Variants in TMEM207 observed in about 807,000 individuals in gnomAD.
TMEM207 encodes transmembrane protein 207.
TMEM207 carries 15 observed loss-of-function variants against 17.4 expected under a neutral mutation model. The observed-to-expected ratio is 0.86, with a 90% confidence interval of 0.58 to 1.33. The LOEUF (loss-of-function observed/expected upper bound fraction) is 1.33, where lower values mean the gene tolerates loss of function less well. TMEM207 is among the 40% of genes most tolerant of loss of function. TMEM207 has a pLI of 0.00. For missense variants in TMEM207, 205 were observed against 173.8 expected, an observed-to-expected ratio of 1.18 and a Z score of -1.01; for synonymous variants, 70 against 65.6, an observed-to-expected ratio of 1.07 and a Z score of -0.33.
chr3:190,440,205 A>C (rs767009536), intron 4 of TMEM207, 39 bp downstream of exon 4: 12 of 1,570,900 alleles, frequency 7.6e-6, no homozygotes, highest in Admixed American at 4.0e-5. Flanking sequence ...AAAACCACAA[A>C]GTATCAAAAA....
intron 1 of TMEM207, among the ~76,000 whole-genome samples, 184 bp from the exon 2 acceptor site, chr3:190,448,011 T>G (rs1346016): frequency 0.18 from 27,778 of 152,156 alleles, 2,953 homozygotes; most frequent in Middle Eastern, 0.31. Flanking sequence ...GGTGGATTCT[T>G]AAGCTCAGCA....
At chr3:190,444,642 C>T (rs923372242) in intron 2 of TMEM207, among the ~76,000 whole-genome samples, 4 of 152,120 alleles carry the variant, frequency 2.6e-5, no homozygotes, top group African/African-American at 4.8e-5. Context: ...ACTTAAGCTT[C>T]CTAGCAGCTA....
chr3:190,439,819 T>G (rs2108535683), intron 4 of TMEM207, among the ~76,000 whole-genome samples: 1 of 152,250 alleles, frequency 6.6e-6, no homozygotes, highest in Admixed American at 6.5e-5. Context: ...GAAAGTGTCG[T>G]TCAATGTTAC....
chr3:190,443,670 T>C (rs1719984575), intron 2 of TMEM207, among the ~76,000 whole-genome samples: 1 of 152,238 alleles, frequency 6.6e-6, no homozygotes, highest in African/African-American at 2.4e-5. Flanking sequence ...CGAATCATTA[T>C]TTCCATTTCT....
At chr3:190,445,450 G>A (rs1046724129) in intron 2 of TMEM207, among the ~76,000 whole-genome samples, 7 of 152,180 alleles carry the variant, frequency 4.6e-5, no homozygotes, top group African/African-American at 1.7e-4. Flanking sequence ...AGTTAGAAAA[G>A]TAAAATAATT....
In TMEM207 at chr3:190,441,468, T is replaced by TTTTTTCCG; in HGVS notation, c.127_128insCGGAAAAA (p.Asn43ThrfsTer38). ...ATACCAGCCATTAGGGTGTTGGTCA[T>TTTTTTCCG]TATAATTTACACACCTGGTGATAAA... On this transcript the variant is annotated frameshift_variant, in exon 3 of 5. Coordinates refer to ENST00000354905, the MANE Select transcript of TMEM207 (RefSeq NM_207316.3). LOFTEE classifies it high-confidence loss of function. 6.2e-7 allele frequency: 1 copy of TTTTTTCCG among 1,611,746 alleles called. No homozygotes were observed.
At chr3:190,447,618 G>A (rs1720078093) in intron 2 of TMEM207, among the ~76,000 whole-genome samples, 172 bp downstream of exon 2, 1 of 151,548 alleles carries the variant, frequency 6.6e-6, no homozygotes. Context: ...TATCTTTCCT[G>A]TTTTCAGAAA....
Position 190,441,478 on chromosome 3 carries a change from C to T in TMEM207, c.118G>A (p.Val40Ile), listed in dbSNP as rs1719936018. The T allele has an allele frequency of 1.9e-6, 3 of 1,611,044 alleles. No homozygotes were observed. Residue 40 changes from valine to isoleucine, a missense_variant, in exon 3 of 5, where the codon GTA becomes ATA. Transcript: ENST00000354905. ...DLPCEEDEMCVNYNDQHPNGW... is the reference protein window; with the variant it reads ...DLPCEEDEMCINYNDQHPNGW... Reference sequence around the variant, plus strand: ...TTAGGGTGTTGGTCATTATAATTTACACACCTGGTGATAAAGGGAGAGCGT... The same window carrying T: ...TTAGGGTGTTGGTCATTATAATTTATACACCTGGTGATAAAGGGAGAGCGT...
chr3:190,440,332 G>A lies in TMEM207; in HGVS notation c.216C>T (p.Cys72=), dbSNP rs1435888434. ...GGGGTCTCCTCAGCCAGCACTGGAG[G>A]CAGAGGACCACAGCTCCACAGAGAA... is the stretch of plus-strand genomic sequence containing the variant. ...AALLCGAVVL[C]LQCWLRRPRI... The change falls in exon 4 of 5, where the codon TGC becomes TGT. Residue 72 remains cysteine, a synonymous_variant. Coordinates refer to ENST00000354905, the MANE Select transcript of TMEM207 (RefSeq NM_207316.3). 3 of 1,614,038 alleles carry A rather than the reference G, an allele frequency of 1.9e-6. No individual in the cohort carries two copies. Among genetic ancestry groups the A allele is most frequent in the African/African-American group, 1.3e-5 (1 of 75,016 alleles).
intron 4 of TMEM207, among the ~76,000 whole-genome samples, chr3:190,432,446 T>C (rs1719711572): frequency 6.6e-6 from 1 of 152,116 alleles, no homozygotes; most frequent in Non-Finnish European, 1.5e-5. Flanking sequence ...ATAAATGAGA[T>C]TAAGGATGTC....
intron 2 of TMEM207, among the ~76,000 whole-genome samples, chr3:190,445,578 T>G (rs1438857612): frequency 6.6e-6 from 1 of 152,206 alleles, no homozygotes; most frequent in Non-Finnish European, 1.5e-5. Flanking sequence ...CAGGCTGGAG[T>G]GCAGTGGTGC....
At chr3:190,443,616 C>T (rs551512300) in intron 2 of TMEM207, among the ~76,000 whole-genome samples, 39 of 152,260 alleles carry the variant, frequency 2.6e-4, no homozygotes, top group Admixed American at 5.9e-4. Flanking sequence ...AGTCAGAGAA[C>T]TACACTGGAA....
intron 4 of TMEM207, among the ~76,000 whole-genome samples, chr3:190,436,554 G>A (rs1178428922): frequency 2.0e-5 from 3 of 152,180 alleles, no homozygotes; most frequent in African/African-American, 4.8e-5. Flanking sequence ...GGAGGTAGAT[G>A]CTGTGGTTTT....
rs537009989 is a variant in TMEM207 at position 190,437,669 on chromosome 3, C to T, written c.304+2575G>A. 3.7e-3 allele frequency among the ~76,000 whole-genome samples: 560 copies of T among 152,088 alleles called. 6 individuals are homozygous for T. Among genetic ancestry groups the T allele is most frequent in the African/African-American group, 0.013 (533 of 41,454 alleles). The stretch of plus-strand genomic sequence containing the variant: ...TTGGTGGGACTGTAAACTAGTTCAA[C>T]CATTGTGTAAGTCAGTGTGGCGATT... On this transcript the variant is annotated intron_variant, in intron 4 of 4. Transcript: ENST00000354905.
intron 2 of TMEM207, among the ~76,000 whole-genome samples, chr3:190,445,279 T>C (rs1035006524): frequency 1.3e-5 from 2 of 152,226 alleles, no homozygotes; most frequent in Non-Finnish European, 2.9e-5. Flanking sequence ...TTTTTGTTCA[T>C]TCATGCACAT....
At chr3:190,443,877 CTA>C (rs748247978) in intron 2 of TMEM207, among the ~76,000 whole-genome samples, 4 of 152,050 alleles carry the variant, frequency 2.6e-5, no homozygotes, top group Non-Finnish European at 4.4e-5. Context: ...TGAGAGCTGA[CTA>C]TAATGCGTAA....
intron 2 of TMEM207, chr3:190,444,384 C>T: frequency 1.0e-6 from 1 of 983,156 alleles, no homozygotes; most frequent in Non-Finnish European, 1.2e-6. Context: ...TCTCTTATCA[C>T]CATGTCGTGG....
chr3:190,429,314 A>G lies in TMEM207; in HGVS notation c.*281T>C. ...GTGATGGAAACTACTTCCAGCACCT[A>G]ATTGTTGCCTGTTTGGATACTAGTG... On this transcript the variant is annotated 3_prime_UTR_variant, in exon 5 of 5. Transcript: ENST00000354905. 1 of 346,996 alleles carries G rather than the reference A, an allele frequency of 2.9e-6. No individual in the cohort carries two copies. Among genetic ancestry groups the G allele is most frequent in the Non-Finnish European group, 5.3e-6 (1 of 187,762 alleles). 21.5% of individuals were successfully genotyped at this position (346,996 alleles called of 1,614,324 possible). A position where few individuals can be genotyped will look rare whatever the true frequency, so the allele number is the denominator to read the frequency against.
intron 4 of TMEM207, among the ~76,000 whole-genome samples, chr3:190,435,084 C>A (rs1414426084): frequency 6.6e-6 from 1 of 152,090 alleles, no homozygotes; most frequent in Non-Finnish European, 1.5e-5. Context: ...CTCTGACAGC[C>A]CCTCTTCTTC....
Sources: allele counts gnomAD v4.1 joint callset (sites outside exome capture counted in the v4.1 genomes callset), GRCh38; gene constraint gnomAD v4.1.1; transcripts MANE v1.5; gene names NCBI Gene and HGNC (gene_info 2026-07-23, HGNC 2026-07-21).